Variants in MYO7A observed in about 807,000 individuals in gnomAD.
MYO7A encodes unconventional myosin-VIIa.
In MYO7A, 210 loss-of-function variants were observed where a neutral mutation model predicts 263.8. The ratio of observed to expected loss-of-function variants is 0.80; its 90% CI spans 0.71 to 0.89. The LOEUF (loss-of-function observed/expected upper bound fraction) is 0.89, where lower values mean the gene tolerates loss of function less well. Ranked by LOEUF, MYO7A falls within the 40% of genes least tolerant of loss-of-function variation. MYO7A has a pLI of 0.00. For missense variants in MYO7A, 2,820 were observed against 2,968.3 expected, an observed-to-expected ratio of 0.95 and a Z score of 1.16; for synonymous variants, 1,239 against 1,197.3, an observed-to-expected ratio of 1.03 and a Z score of -0.72.
intron 21 of MYO7A, among the ~76,000 whole-genome samples, 168 bp downstream of exon 21, chr11:77,180,121 C>T (rs1955052921): frequency 3.9e-5 from 6 of 152,362 alleles, no homozygotes; most frequent in Non-Finnish European, 1.5e-5. Context: ...TCCATCCTCT[C>T]AGCCAAGGGC....
chr11:77,152,494 C>A (rs1555057711), intron 4 of MYO7A, among the ~76,000 whole-genome samples: 3 of 152,218 alleles, frequency 2.0e-5, no homozygotes, highest in Admixed American at 1.3e-4. Context: ...CTTCTCCCTC[C>A]TCCCACCCCA....
chr11:77,179,754 G>T lies in MYO7A; in HGVS notation c.2387G>T (p.Arg796Leu). 3.9e-6 allele frequency: 6 copies of T among 1,544,640 alleles called. No homozygotes were observed. The highest frequency in any genetic ancestry group is 5.2e-6 in the Non-Finnish European group (6 of 1,144,678). The part of the protein sequence containing the change: ...NYGLMRLGFL[R>L]LQALHRSRKL... ...TTGCAGATGCGTCTGGGCTTCCTGC[G>T]GCTGCAGGCCCTGCACCGCTCCCGG... The change falls in exon 21 of 49, where the codon CGG becomes CTG. Residue 796 changes from arginine to leucine, a missense_variant. Physicochemically the swap from Arg to Leu is moderately radical, Grantham distance 102. Coordinates refer to ENST00000409709, the MANE Select transcript of MYO7A (RefSeq NM_000260.4).
chr11:77,194,997 T>C lies in MYO7A; in HGVS notation c.4323+473T>C, dbSNP rs538468246. Among the ~76,000 whole-genome samples, 101 of 152,090 alleles carry C rather than the reference T, an allele frequency of 6.6e-4. 1 individual carries two copies. The highest frequency in any genetic ancestry group is 2.4e-3 in the African/African-American group (98 of 41,480). On this transcript the variant is annotated intron_variant, in intron 32 of 48. Coordinates refer to ENST00000409709, the MANE Select transcript of MYO7A (RefSeq NM_000260.4). ...CTCCCAAGCTAAGAGCCTGGCCAGG[T>C]AGAGCAGGGGTATCCAGATGGGGAG...
chr11:77,142,680 C>T (rs782454623), intron 2 of MYO7A, 29 bp from the exon 3 acceptor site: 7 of 1,574,714 alleles, frequency 4.4e-6, no homozygotes, highest in Admixed American at 1.8e-5. Context: ...TCCCTGCTCA[C>T]CTGGGCTGAG....
chr11:77,169,503 T>C (rs1296718642), intron 15 of MYO7A, among the ~76,000 whole-genome samples: 1 of 152,192 alleles, frequency 6.6e-6, no homozygotes, highest in African/African-American at 2.4e-5. Flanking sequence ...CTCAGATCCT[T>C]TCTGGGGAGC....
chr11:77,186,372 A>G (rs971531118), intron 27 of MYO7A, among the ~76,000 whole-genome samples: 12 of 152,294 alleles, frequency 7.9e-5, no homozygotes, highest in Middle Eastern at 3.4e-3. Context: ...TCTAGCTATG[A>G]AAGTCCTAGA....
At chr11:77,164,018 G>A (rs1224774639) in intron 14 of MYO7A, among the ~76,000 whole-genome samples, 1 of 152,088 alleles carries the variant, frequency 6.6e-6, no homozygotes, top group Admixed American at 6.5e-5. Flanking sequence ...ATACAACATA[G>A]CCCATTAGGC....
At chr11:77,147,114 C>T (rs1309623718) in intron 3 of MYO7A, among the ~76,000 whole-genome samples, 7 of 152,126 alleles carry the variant, frequency 4.6e-5, no homozygotes, top group African/African-American at 1.7e-4. Flanking sequence ...CCCCTTCTCC[C>T]CATCACCACT....
rs762836180 is a variant in MYO7A at position 77,204,129 on chromosome 11, G to A, written c.5380G>A (p.Glu1794Lys). The change falls in exon 39 of 49, where the codon GAG becomes AAG. Residue 1794 changes from glutamate to lysine, a missense_variant. Transcript: ENST00000409709. ...GTCCAAGAGGACACGCTCCGTCAAC[G>A]AGCTCACCGACCAGATCTTTGAGGG... ...YPSKRTRSVN[E>K]LTDQIFEGPL... 95 of 1,599,400 alleles carry A rather than the reference G, an allele frequency of 5.9e-5. No individual in the cohort carries two copies. Among genetic ancestry groups the A allele is most frequent in the Middle Eastern group, 1.6e-4 (1 of 6,076 alleles).
At position 77,157,020 on chromosome 11, in the gene MYO7A, A is replaced by G; in HGVS notation, c.735+16A>G. On this transcript the variant is annotated intron_variant, in intron 7 of 48. Transcript: ENST00000409709. ...CTGTCGCCAGGTGGGCCTGAGCCCC[A>G]GGGATGCAGGAATAGACCCAGGCCC... 1 of 1,609,788 alleles carries G rather than the reference A, an allele frequency of 6.2e-7. No individual in the cohort carries two copies. The highest frequency in any genetic ancestry group is 8.5e-7 in the Non-Finnish European group (1 of 1,178,236).
chr11:77,213,136 C>T, intron 47 of MYO7A, 101 bp downstream of exon 47: 5 of 898,050 alleles, frequency 5.6e-6, no homozygotes, highest in South Asian at 4.9e-5. Flanking sequence ...CACCATCTAT[C>T]TCTAGACTCA....
intron 4 of MYO7A, among the ~76,000 whole-genome samples, chr11:77,153,117 G>A (rs1486705125): frequency 1.3e-5 from 2 of 152,126 alleles, no homozygotes; most frequent in East Asian, 1.9e-4. Flanking sequence ...GCATGGCTCC[G>A]AGTGGAGGAT....
At chr11:77,201,709 G>A (rs1045624335) in intron 36 of MYO7A, 71 bp downstream of exon 36, 49 of 1,478,246 alleles carry the variant, frequency 3.3e-5, no homozygotes, top group Middle Eastern at 4.3e-4. Context: ...TCCCACAGCT[G>A]TACAATAGGT....
rs761469964 is a variant in MYO7A, at chr11:77,208,517, G to A, written c.5944G>A (p.Gly1982Arg). 1.2e-5 allele frequency: 19 copies of A among 1,612,094 alleles called. No individual in the cohort carries two copies. Among genetic ancestry groups the A allele is most frequent in the South Asian group, 3.3e-5 (3 of 90,710 alleles). Residue 1982 changes from glycine to arginine, a missense_variant and splice_region_variant, in exon 43 of 49, where the codon GGA (glycine) becomes AGA (arginine). Transcript: ENST00000409709. ...AAAGAAAGCTCGGCCCATCAAGGAC[G>A]GTAATGAGGCCGGGTCCTGGGATCA... ...WIKKARPIKD[G>R]IVPSLTYQVF...
intron 4 of MYO7A, 60 bp from the exon 5 acceptor site, chr11:77,155,847 T>A: frequency 6.7e-7 from 1 of 1,485,932 alleles, no homozygotes; most frequent in Non-Finnish European, 9.0e-7. Context: ...CCCAAGAGCT[T>A]TCTAGAGTCA....
At chr11:77,195,682 A>C (rs1187679273) in intron 32 of MYO7A, among the ~76,000 whole-genome samples, 1 of 152,204 alleles carries the variant, frequency 6.6e-6, no homozygotes, top group Non-Finnish European at 1.5e-5. Context: ...TCTCTCCTGG[A>C]CTGGAGCTCC....
chr11:77,182,293 T>C (rs1417682723), intron 24 of MYO7A, 131 bp from the exon 25 acceptor site: 1 of 1,431,946 alleles, frequency 7.0e-7, no homozygotes, highest in African/African-American at 1.4e-5. Context: ...TAGTCTTCAC[T>C]GCGGTGCCCA....
At chr11:77,179,688 C>T (rs782335050) in intron 20 of MYO7A, 47 bp from the exon 21 acceptor site, 31 of 1,478,414 alleles carry the variant, frequency 2.1e-5, no homozygotes, top group Non-Finnish European at 2.4e-5. Flanking sequence ...CAGGGTCAGT[C>T]TGGAATGGGA....
intron 18 of MYO7A, among the ~76,000 whole-genome samples, chr11:77,176,693 T>C (rs1388261533): frequency 2.6e-5 from 4 of 152,188 alleles, no homozygotes; most frequent in Admixed American, 1.3e-4. Context: ...CATCCATTCA[T>C]TCATTCAGAA....
Sources: gnomAD v4.1 joint callset for allele counts (sites outside exome capture counted in the v4.1 genomes callset) on GRCh38, gnomAD v4.1.1 for gene constraint, MANE v1.5 for transcripts, NCBI Gene and HGNC (gene_info 2026-07-23, HGNC 2026-07-21) for gene names.